TXNRD2: variants seen among roughly 807,000 people sequenced by gnomAD.
TXNRD2 encodes the protein thioredoxin reductase 2.
Under a neutral mutation model 70.8 loss-of-function variants are expected in TXNRD2, and 67 were observed. That is an observed-to-expected ratio of 0.95 (90% CI 0.78 to 1.16). The LOEUF is 1.16. Ranked by LOEUF, TXNRD2 falls within the 50% of genes most tolerant of loss-of-function variation. TXNRD2 has a pLI of 0.00. For missense variants in TXNRD2, 644 were observed against 719.9 expected, an observed-to-expected ratio of 0.89 and a Z score of 1.21; for synonymous variants, 301 against 295.8, an observed-to-expected ratio of 1.02 and a Z score of -0.18.
intron 11 of TXNRD2, chr22:19,883,757 C>T (rs1601390223): frequency 2.5e-6 from 1 of 402,576 alleles, no homozygotes; most frequent in South Asian, 2.2e-5. Flanking sequence ...AGTTCAAAAC[C>T]AGCCTGGCCA....
chr22:19,887,201 G>C (rs920563919), intron 11 of TXNRD2: 3 of 152,300 alleles, frequency 2.0e-5, no homozygotes, highest in African/African-American at 4.8e-5. Flanking sequence ...TTACGTAATG[G>C]ATACATGACA....
intron 8 of TXNRD2, among the ~76,000 whole-genome samples, chr22:19,909,633 AC>A (rs1192894556): frequency 1.8e-5 from 2 of 113,678 alleles, no homozygotes; most frequent in African/African-American, 3.3e-5. Context: ...CCACTCACAC[AC>A]CACTCACATA....
At chr22:19,927,860 C>T (rs1408790134) in intron 2 of TXNRD2, among the ~76,000 whole-genome samples, 3 of 152,008 alleles carry the variant, frequency 2.0e-5, no homozygotes, top group Non-Finnish European at 4.4e-5. Context: ...CAGTCGTCCT[C>T]GGGTACCAAG....
chr22:19,897,549 AC>A (rs1478933106), intron 10 of TXNRD2, among the ~76,000 whole-genome samples: 2 of 152,176 alleles, frequency 1.3e-5, no homozygotes, highest in African/African-American at 4.8e-5. Flanking sequence ...TACACAGCGC[AC>A]CTGTCCAGAA....
chr22:19,933,894 A>C (rs567280386), intron 1 of TXNRD2, among the ~76,000 whole-genome samples: 3 of 152,312 alleles, frequency 2.0e-5, no homozygotes, highest in Non-Finnish European at 4.4e-5. Flanking sequence ...TGGCCCCAGC[A>C]AGTGTCTGTC....
intron 9 of TXNRD2, 112 bp downstream of exon 9, chr22:19,898,937 G>C: frequency 7.2e-7 from 1 of 1,383,014 alleles, no homozygotes; most frequent in South Asian, 1.2e-5. Context: ...GGCCCAGTAA[G>C]TGCCGATCTG....
intron 11 of TXNRD2, among the ~76,000 whole-genome samples, chr22:19,887,023 C>T (rs73383845): frequency 0.019 from 2,841 of 152,324 alleles, 81 homozygotes; most frequent in African/African-American, 0.064. Context: ...GCGCACAGCA[C>T]TCTCTGTCAT....
intron 1 of TXNRD2, 76 bp from the exon 2 acceptor site, chr22:19,931,174 G>T: frequency 7.4e-7 from 1 of 1,353,498 alleles, no homozygotes; most frequent in Non-Finnish European, 1.1e-6. Context: ...TATCAGGATT[G>T]GACACTCCAT....
At chr22:19,890,494 C>A (rs1053464405) in intron 11 of TXNRD2, among the ~76,000 whole-genome samples, 53 of 152,180 alleles carry the variant, frequency 3.5e-4, no homozygotes, top group African/African-American at 1.2e-3. Context: ...CCGGGAAGAG[C>A]ATAGCCACAA....
chr22:19,901,011 G>A (rs1939751779), intron 8 of TXNRD2, among the ~76,000 whole-genome samples: 1 of 152,210 alleles, frequency 6.6e-6, no homozygotes, highest in African/African-American at 2.4e-5. Context: ...TGGCCCTGAA[G>A]GCCAACCCTT....
chr22:19,911,098 C>T (rs1240977601), intron 8 of TXNRD2: 1 of 483,688 alleles, frequency 2.1e-6, no homozygotes. Flanking sequence ...AAAAAAAAAC[C>T]AAAACAGATT....
intron 1 of TXNRD2, among the ~76,000 whole-genome samples, chr22:19,939,895 C>T (rs1026603306): frequency 1.3e-5 from 2 of 152,056 alleles, no homozygotes; most frequent in African/African-American, 4.8e-5. Flanking sequence ...ATTTTGAGGG[C>T]CCATCTAAAA....
chr22:19,884,402 C>A (rs1030305032), intron 11 of TXNRD2: 1 of 152,282 alleles, frequency 6.6e-6, no homozygotes, highest in African/African-American at 2.4e-5. Context: ...GTGCTAAGCG[C>A]GGGACTCCAG....
At chr22:19,879,271 C>T (rs1026849101) in intron 14 of TXNRD2, among the ~76,000 whole-genome samples, 1 of 152,168 alleles carries the variant, frequency 6.6e-6, no homozygotes, top group Non-Finnish European at 1.5e-5. Context: ...GTCTCATCCC[C>T]AAAGGCCGCA....
intron 1 of TXNRD2, among the ~76,000 whole-genome samples, chr22:19,933,175 G>A (rs910301710): frequency 6.6e-6 from 1 of 152,220 alleles, no homozygotes; most frequent in Admixed American, 6.5e-5. Flanking sequence ...GCGCACCTGC[G>A]GGAACTGACA....
chr22:19,920,665 T>G (rs1400718174), intron 2 of TXNRD2, among the ~76,000 whole-genome samples: 1 of 151,956 alleles, frequency 6.6e-6, no homozygotes, highest in Non-Finnish European at 1.5e-5. Context: ...GGGCACTGCA[T>G]CAGCAAACTT....
At chr22:19,893,390 C>T (rs564534430) in intron 11 of TXNRD2, among the ~76,000 whole-genome samples, 27 of 152,238 alleles carry the variant, frequency 1.8e-4, no homozygotes, top group Non-Finnish European at 3.1e-4. Flanking sequence ...CTAAACTAGA[C>T]GGCCAGGCAC....
At position 19,883,352 on chromosome 22, in the gene TXNRD2, G is replaced by A. The variant is rs2145939709; in HGVS notation, c.1059C>T (p.His353=). Residue 353 remains histidine, a synonymous_variant, in exon 12 of 18, where the codon CAC becomes CAT. Transcript: ENST00000400521. ...CCACCACGTCACCAATGGCGTAGAT[G>A]TGGGGCACAGAGGTGGCTTCCCGGG... ...VDSREATSVP[H]IYAIGDVVEG... is the part of the protein sequence containing the mutation. The A allele has an allele frequency of 6.2e-7, 1 of 1,614,002 alleles. No individual in the cohort carries two copies. The highest frequency in any genetic ancestry group is 2.2e-5 in the East Asian group (1 of 44,880).
chr22:19,932,726 C>G (rs1431314144), intron 1 of TXNRD2, among the ~76,000 whole-genome samples: 1 of 152,172 alleles, frequency 6.6e-6, no homozygotes, highest in Non-Finnish European at 1.5e-5. Context: ...AGATGAGAAG[C>G]ACCACCCTCC....
Sources: gnomAD v4.1 joint callset for allele counts (sites outside exome capture counted in the v4.1 genomes callset) on GRCh38, gnomAD v4.1.1 for gene constraint, MANE v1.5 for transcripts, NCBI Gene and HGNC (gene_info 2026-07-23, HGNC 2026-07-21) for gene names.